HPGDS: variants seen among roughly 807,000 people sequenced by gnomAD.
HPGDS encodes hematopoietic prostaglandin D synthase, also known as GST class-sigma.
In HPGDS, 26 loss-of-function variants were observed where a neutral mutation model predicts 23.1. That is an observed-to-expected ratio of 1.13 (90% CI 0.83 to 1.56). HPGDS has a LOEUF of 1.56. Among genes scored for constraint, HPGDS ranks in the 40% most tolerant of loss-of-function variants. HPGDS has a pLI of 0.00. For synonymous variants in HPGDS, 95 were observed against 77.9 expected (o/e 1.22, Z -1.16); for missense variants, 268 against 236.4 (o/e 1.13, Z -0.88).
In HPGDS at chr4:94,340,311, C is replaced by CTTTTTCTTTTCTTTTTTTTTTTT. The variant is rs1560598005; in HGVS notation, c.-10+2483_-10+2484insAAAAAAAAAAAAGAAAAGAAAAA. ...TTTCTTTCTTTCTTTCTTTCTTTCTCTTTTTTTTTTTTTTTTTTTTTTTTT... is the reference window on the plus strand; with the variant it reads ...TTTCTTTCTTTCTTTCTTTCTTTCTCTTTTTCTTTTCTTTTTTTTTTTTTTTTTTTTTTTTTTTTTTTTTTTTT... On this transcript the variant is annotated intron_variant, in intron 1 of 5. Transcript: ENST00000295256. Among the ~76,000 whole-genome samples the CTTTTTCTTTTCTTTTTTTTTTTT allele has an allele frequency of 5.1e-4, 12 of 23,684 alleles. 1 individual carries two copies. The highest frequency in any genetic ancestry group is 1.6e-3 in the South Asian group (1 of 622). 15.5% of individuals were successfully genotyped at this position (23,684 alleles called of 152,430 possible).
intron 1 of HPGDS, among the ~76,000 whole-genome samples, chr4:94,337,250 C>T (rs10015608): frequency 0.5 from 75,487 of 151,614 alleles, 19,331 homozygotes; most frequent in African/African-American, 0.63. Flanking sequence ...GGATTACAGG[C>T]GTGAGCCACT....
At chr4:94,342,448 C>T (rs926292247) in intron 1 of HPGDS, among the ~76,000 whole-genome samples, 1 of 152,146 alleles carries the variant, frequency 6.6e-6, no homozygotes, top group African/African-American at 2.4e-5. Flanking sequence ...CTCCATCAAT[C>T]CAAGTTATTG....
chr4:94,317,329 T>C (rs1295756243), intron 3 of HPGDS, among the ~76,000 whole-genome samples: 1 of 152,196 alleles, frequency 6.6e-6, no homozygotes, highest in Non-Finnish European at 1.5e-5. Context: ...ACAGTTTCTA[T>C]TGTTTCTCTT....
chr4:94,308,358 G>A (rs1560585053), intron 4 of HPGDS, among the ~76,000 whole-genome samples: 1 of 151,934 alleles, frequency 6.6e-6, no homozygotes, highest in Non-Finnish European at 1.5e-5. Context: ...GTCAATCAGA[G>A]GAAGTCATAT....
chr4:94,325,507 G>A (rs1218641970), intron 2 of HPGDS, among the ~76,000 whole-genome samples: 1 of 152,156 alleles, frequency 6.6e-6, no homozygotes, highest in Non-Finnish European at 1.5e-5. Flanking sequence ...CCCTCCCCCA[G>A]CTAGGCTGCC....
chr4:94,324,130 C>T (rs569522836), intron 2 of HPGDS, among the ~76,000 whole-genome samples: 24 of 152,352 alleles, frequency 1.6e-4, no homozygotes, highest in African/African-American at 4.6e-4. Context: ...GAGAGATCAG[C>T]TGTTAGTCTG....
chr4:94,321,352 G>T (rs1313531018), intron 2 of HPGDS, among the ~76,000 whole-genome samples: 1 of 152,136 alleles, frequency 6.6e-6, no homozygotes, highest in African/African-American at 2.4e-5. Context: ...ATTACCTTGG[G>T]CAGTATGGCC....
Position 94,322,206 on chromosome 4 carries a change from G to A in HPGDS, c.134-4241C>T, listed in dbSNP as rs770684635. On this transcript the variant is annotated intron_variant, in intron 2 of 5. Transcript: ENST00000295256. ...GATTTTCCCATCGATGTTCATCAGG[G>A]ATATTGGTCTAAAATTCTCTTTTTT... Among the ~76,000 whole-genome samples the A allele has an allele frequency of 2.9e-5, 4 of 135,640 alleles. No homozygotes were observed. In the East Asian group the frequency reaches 5.9e-4, roughly 20 times the overall value. 89.0% of individuals were successfully genotyped at this position (135,640 alleles called of 152,430 possible).
At chr4:94,303,018 TAGA>T (rs1319028248) in intron 4 of HPGDS, among the ~76,000 whole-genome samples, 1 of 152,104 alleles carries the variant, frequency 6.6e-6, no homozygotes, top group Non-Finnish European at 1.5e-5. Flanking sequence ...GGTTATGAAA[TAGA>T]AGCCAAACTC....
chr4:94,334,901 A>C (rs1218010999), intron 1 of HPGDS, among the ~76,000 whole-genome samples: 1 of 152,236 alleles, frequency 6.6e-6, no homozygotes, highest in Admixed American at 6.5e-5. Flanking sequence ...AAAAATATTC[A>C]GATTAAGAGG....
chr4:94,323,442 G>A (rs1756559017), intron 2 of HPGDS, among the ~76,000 whole-genome samples: 1 of 152,152 alleles, frequency 6.6e-6, no homozygotes, highest in Admixed American at 6.5e-5. Flanking sequence ...GAATCTGGAT[G>A]CTCCTCTACC....
chr4:94,306,161 A>T (rs1560584278), intron 4 of HPGDS, among the ~76,000 whole-genome samples: 1 of 151,988 alleles, frequency 6.6e-6, no homozygotes, highest in Non-Finnish European at 1.5e-5. Flanking sequence ...TAATACAGAC[A>T]TGATTCCTAC....
intron 2 of HPGDS, among the ~76,000 whole-genome samples, chr4:94,323,243 A>G (rs1207314332): frequency 6.6e-6 from 1 of 152,148 alleles, no homozygotes; most frequent in African/African-American, 2.4e-5. Flanking sequence ...TATTCTGTTG[A>G]TTTGGGGTGG....
intron 1 of HPGDS, among the ~76,000 whole-genome samples, chr4:94,340,552 G>A (rs1490385129): frequency 6.8e-6 from 1 of 146,536 alleles, no homozygotes; most frequent in African/African-American, 2.5e-5. Flanking sequence ...TGTTAGCCGG[G>A]GTGGTCTCGA....
intron 3 of HPGDS, among the ~76,000 whole-genome samples, chr4:94,313,643 T>C (rs902452013): frequency 6.6e-6 from 1 of 152,184 alleles, no homozygotes; most frequent in African/African-American, 2.4e-5. Flanking sequence ...GAGGAGTATC[T>C]TTGTGGCGTT....
chr4:94,308,650 T>A lies in HPGDS; in HGVS notation c.320A>T (p.Lys107Ile), dbSNP rs998785129. 1.3e-6 allele frequency: 2 copies of A among 1,591,960 alleles called. No homozygotes were observed. The part of the protein sequence containing the change: ...DFMSCFPWAE[K>I]KQDVKEQMFN... ...TCACATTACTTTCACATCTTGCTTT[T>A]TCTCTGCCCAAGGAAAACATGACAT... The change falls in exon 4 of 6, where the codon AAA becomes ATA. Residue 107 changes from lysine to isoleucine, a missense_variant. Transcript: ENST00000295256.
chr4:94,336,572 G>T (rs944376122), intron 1 of HPGDS, among the ~76,000 whole-genome samples: 2 of 152,052 alleles, frequency 1.3e-5, no homozygotes, highest in Non-Finnish European at 2.9e-5. Context: ...ATAGATATGT[G>T]GGGAAATGTC....
At chr4:94,320,880 G>A (rs2126041210) in intron 2 of HPGDS, among the ~76,000 whole-genome samples, 1 of 152,286 alleles carries the variant, frequency 6.6e-6, no homozygotes, top group Admixed American at 6.5e-5. Context: ...TTCTTCTAGG[G>A]TTTTTATGGT....
intron 4 of HPGDS, among the ~76,000 whole-genome samples, chr4:94,305,399 CATTT>C (rs1159644460): frequency 1.3e-5 from 2 of 152,202 alleles, no homozygotes; most frequent in East Asian, 3.9e-4. Context: ...ACACACCTTA[CATTT>C]ATATCATGGA....
Sources: gnomAD v4.1 joint callset for allele counts (sites outside exome capture counted in the v4.1 genomes callset) on GRCh38, gnomAD v4.1.1 for gene constraint, MANE v1.5 for transcripts, NCBI Gene and HGNC (gene_info 2026-07-23, HGNC 2026-07-21) for gene names.